Variants in NUSAP1 observed in about 807,000 individuals in gnomAD.
NUSAP1 encodes the protein nucleolar and spindle associated protein 1, also known as nucleolar and spindle-associated protein 1.
In NUSAP1, 32 loss-of-function variants were observed where a neutral mutation model predicts 52.8. The observed-to-expected ratio is 0.61, with a 90% CI of 0.46 to 0.81. The LOEUF is 0.81. Ranked by LOEUF, NUSAP1 falls within the 40% of genes least tolerant of loss-of-function variation. NUSAP1 has a pLI of 0.00. For synonymous variants in NUSAP1, 195 were observed against 183.1 expected (o/e 1.06, Z -0.52); for missense variants, 499 against 522.3 (o/e 0.96, Z 0.43).
At chr15:41,360,065 T>A (rs1313441605) in intron 6 of NUSAP1, among the ~76,000 whole-genome samples, 1 of 151,540 alleles carries the variant, frequency 6.6e-6, no homozygotes, top group Non-Finnish European at 1.5e-5. Context: ...TGCAGCAGAT[T>A]ATTTTGCCTC....
At chr15:41,374,461 C>T (rs969118355) in intron 8 of NUSAP1, among the ~76,000 whole-genome samples, 1 of 152,210 alleles carries the variant, frequency 6.6e-6, no homozygotes, top group Non-Finnish European at 1.5e-5. Context: ...TACTTCCTTA[C>T]ACCAGTCATA....
chr15:41,362,261 T>G (rs1308839003), intron 6 of NUSAP1, among the ~76,000 whole-genome samples: 3 of 151,696 alleles, frequency 2.0e-5, no homozygotes, highest in African/African-American at 7.3e-5. Context: ...AATAAAAAGA[T>G]TGGAAAACTT....
At chr15:41,359,636 C>CTT (rs1282401821) in intron 6 of NUSAP1, among the ~76,000 whole-genome samples, 1 of 142,132 alleles carries the variant, frequency 7.0e-6, no homozygotes, top group African/African-American at 2.6e-5. Context: ...CTTTTCTTTT[C>CTT]TTTTTTTTTT....
intron 3 of NUSAP1, among the ~76,000 whole-genome samples, chr15:41,350,302 G>A (rs148120070): frequency 2.6e-5 from 4 of 152,218 alleles, no homozygotes; most frequent in East Asian, 1.9e-4. Context: ...AATCTATAGC[G>A]TAACATAACT....
intron 6 of NUSAP1, among the ~76,000 whole-genome samples, chr15:41,365,200 C>T (rs1321105901): frequency 2.0e-5 from 3 of 152,156 alleles, no homozygotes; most frequent in Non-Finnish European, 4.4e-5. Flanking sequence ...TGTAGTCTCG[C>T]TCTGTTGCCA....
In NUSAP1 at chr15:41,353,553, C is replaced by T. The variant is rs185936960; in HGVS notation, c.448+2424C>T. Among the ~76,000 whole-genome samples the T allele has an allele frequency of 3.2e-4, 49 of 152,140 alleles. No individual in the cohort carries two copies. In the East Asian group the frequency reaches 8.7e-3, roughly 27 times the overall value. ...CAGAACATTCCTCTGCCTTGTTTTA[C>T]GGATACATTGGGGAAACTTAAGGAT... On this transcript the variant is annotated intron_variant, in intron 4 of 10. Coordinates refer to ENST00000559596, the MANE Select transcript of NUSAP1 (RefSeq NM_016359.5).
intron 1 of NUSAP1, among the ~76,000 whole-genome samples, chr15:41,339,759 G>A (rs900415657): frequency 3.3e-5 from 5 of 151,192 alleles, no homozygotes; most frequent in African/African-American, 1.2e-4. Context: ...AACAATTTAG[G>A]GGAAGAAATT....
At chr15:41,375,315 T>A (rs1478896283) in intron 8 of NUSAP1, among the ~76,000 whole-genome samples, 1 of 152,018 alleles carries the variant, frequency 6.6e-6, no homozygotes, top group Non-Finnish European at 1.5e-5. Flanking sequence ...GTAGCTGGGA[T>A]TACAGGCATG....
chr15:41,346,688 GT>G (rs1473135329), intron 2 of NUSAP1, among the ~76,000 whole-genome samples: 4 of 151,656 alleles, frequency 2.6e-5, no homozygotes, highest in Non-Finnish European at 4.4e-5. Context: ...TTAGCCGGGT[GT>G]GGTGGCACGC....
At position 41,335,522 on chromosome 15, in the gene NUSAP1, A is replaced by G. The variant is rs533251473; in HGVS notation, c.93+2472A>G. 1.7e-3 allele frequency among the ~76,000 whole-genome samples: 239 copies of G among 138,110 alleles called. 1 individual carries two copies. Among genetic ancestry groups the G allele is most frequent in the Non-Finnish European group, 3.0e-3 (198 of 66,194 alleles). 90.6% of individuals were successfully genotyped at this position (138,110 alleles called of 152,430 possible). A position where few individuals can be genotyped will look rare whatever the true frequency, so the allele number is the denominator to read the frequency against. On this transcript the variant is annotated intron_variant, in intron 1 of 10. Transcript: ENST00000559596. ...TATATTTAGTATAGATATACTATATACTAAATATACTATATATACTAATAT... is the reference window on the plus strand; with the variant it reads ...TATATTTAGTATAGATATACTATATGCTAAATATACTATATATACTAATAT...
At chr15:41,344,718 A>G (rs1347634705) in intron 2 of NUSAP1, among the ~76,000 whole-genome samples, 2 of 152,158 alleles carry the variant, frequency 1.3e-5, no homozygotes, top group Non-Finnish European at 2.9e-5. Context: ...AGGCGGGTGG[A>G]TCACCTGAGG....
chr15:41,358,747 A>C (rs2140706758), intron 6 of NUSAP1, among the ~76,000 whole-genome samples: 1 of 152,284 alleles, frequency 6.6e-6, no homozygotes, highest in East Asian at 1.9e-4. Flanking sequence ...AAAAAAGAAA[A>C]CAGTGAATCC....
chr15:41,345,468 CT>C (rs202120158), intron 2 of NUSAP1: 10,908 of 329,024 alleles, frequency 0.033, 51 homozygotes, highest in African/African-American at 0.058. Flanking sequence ...TTTTTTCTTT[CT>C]TTTTTTTTTT....
chr15:41,373,641 G>T (rs1353606663), intron 8 of NUSAP1, among the ~76,000 whole-genome samples: 1 of 151,474 alleles, frequency 6.6e-6, no homozygotes, highest in Non-Finnish European at 1.5e-5. Flanking sequence ...GTAGAGACAG[G>T]GTGTCACCGT....
chr15:41,336,686 C>T (rs1277649000), intron 1 of NUSAP1, among the ~76,000 whole-genome samples: 2 of 80,452 alleles, frequency 2.5e-5, no homozygotes, highest in Non-Finnish European at 2.7e-5. Flanking sequence ...AGGTCTCGCT[C>T]TGTTGCCTAG....
chr15:41,351,785 A>G (rs2048787157), intron 4 of NUSAP1, among the ~76,000 whole-genome samples: 1 of 152,142 alleles, frequency 6.6e-6, no homozygotes, highest in African/African-American at 2.4e-5. Context: ...CCCTATCTCA[A>G]AAAATTAAAA....
chr15:41,369,315 A>G (rs1004756921), intron 7 of NUSAP1, among the ~76,000 whole-genome samples: 1 of 152,062 alleles, frequency 6.6e-6, no homozygotes, highest in Non-Finnish European at 1.5e-5. Flanking sequence ...ATTAGCTTGG[A>G]ATATGAAGTA....
intron 10 of NUSAP1, among the ~76,000 whole-genome samples, chr15:41,378,954 T>G (rs1228860710): frequency 9.3e-6 from 1 of 107,448 alleles, no homozygotes; most frequent in Non-Finnish European, 1.9e-5. Context: ...GTTTTTTTTT[T>G]TTTTTTTTTT....
chr15:41,347,829 A>AG (rs1491493752), intron 2 of NUSAP1, among the ~76,000 whole-genome samples: 1 of 149,096 alleles, frequency 6.7e-6, no homozygotes, highest in Admixed American at 6.6e-5. Flanking sequence ...AAAAAAAAAA[A>AG]GAAAGAAAAC....
Sources: allele counts gnomAD v4.1 joint callset (sites outside exome capture counted in the v4.1 genomes callset), GRCh38; gene constraint gnomAD v4.1.1; transcripts MANE v1.5; gene names NCBI Gene and HGNC (gene_info 2026-07-23, HGNC 2026-07-21).